Variants in PCDHA7 observed in about 807,000 individuals in gnomAD.
PCDHA7 encodes protocadherin alpha 7.
Under a neutral mutation model 57.2 loss-of-function variants are expected in PCDHA7, and 37 were observed. The observed-to-expected ratio is 0.65, with a 90% CI of 0.50 to 0.85. The LOEUF (loss-of-function observed/expected upper bound fraction) is 0.85. Ranked by LOEUF, PCDHA7 falls within the 40% of genes least tolerant of loss-of-function variation. PCDHA7 has a pLI of 0.00. For synonymous variants in PCDHA7, 553 were observed against 558.8 expected, an observed-to-expected ratio of 0.99 and a Z score of 0.15; for missense variants, 1,188 against 1,241.8, an observed-to-expected ratio of 0.96 and a Z score of 0.65.
chr5:140,876,690 G>T, intron 1 of PCDHA7: 1 of 1,614,174 alleles, frequency 6.2e-7, no homozygotes, highest in Admixed American at 1.7e-5. Flanking sequence ...ATTACTACTC[G>T]TTGGTGCTGG....
At chr5:140,965,911 G>C (rs1476309026) in intron 1 of PCDHA7, among the ~76,000 whole-genome samples, 1 of 152,206 alleles carries the variant, frequency 6.6e-6, no homozygotes, top group African/African-American at 2.4e-5. Context: ...CCAGGATGCT[G>C]GTTTTAGGCT....
At chr5:140,931,023 T>C (rs146623712) in intron 1 of PCDHA7, among the ~76,000 whole-genome samples, 1 of 152,322 alleles carries the variant, frequency 6.6e-6, no homozygotes, top group African/African-American at 2.4e-5. Context: ...AATTTTCTGA[T>C]TGTAGAGCTA....
chr5:140,978,906 T>C, intron 1 of PCDHA7, 43 bp from the exon 2 acceptor site: 1 of 1,613,530 alleles, frequency 6.2e-7, no homozygotes, highest in Non-Finnish European at 8.5e-7. Flanking sequence ...GGGAGAACAT[T>C]GTCTTGTCAT....
intron 1 of PCDHA7, among the ~76,000 whole-genome samples, chr5:140,972,711 T>A (rs2096551404): frequency 6.7e-6 from 1 of 148,680 alleles, no homozygotes; most frequent in Non-Finnish European, 1.5e-5. Context: ...GTTGCCAGGC[T>A]GGAGTGCAGT....
At chr5:141,009,257 C>T (rs1375950001) in intron 3 of PCDHA7, among the ~76,000 whole-genome samples, 1 of 152,136 alleles carries the variant, frequency 6.6e-6, no homozygotes, top group East Asian at 1.9e-4. Flanking sequence ...GTGTTTGAGA[C>T]CAGCCTGGGC....
In PCDHA7 at chr5:141,002,285, A is replaced by C. The variant is rs2098070605; in HGVS notation, c.2504-7342A>C. On this transcript the variant is annotated intron_variant, in intron 3 of 3. Coordinates refer to ENST00000525929, the MANE Select transcript of PCDHA7 (RefSeq NM_018910.3). ...CCCAGAGCTGGTAACAAAGGGATGA[A>C]TGGGGAGCAAAGGGGCGGGGCCGAA... 4.6e-5 allele frequency among the ~76,000 whole-genome samples: 7 copies of C among 152,158 alleles called. No individual in the cohort carries two copies. In the South Asian group the frequency reaches 1.4e-3, roughly 31 times the overall value.
At chr5:141,003,046 A>C (rs530303478) in intron 3 of PCDHA7, among the ~76,000 whole-genome samples, 76 of 152,356 alleles carry the variant, frequency 5.0e-4, no homozygotes, top group African/African-American at 1.8e-3. Context: ...TCCTGGCCTT[A>C]ACAGAACAGT....
chr5:140,869,123 G>A, intron 1 of PCDHA7: 1 of 1,608,454 alleles, frequency 6.2e-7, no homozygotes, highest in South Asian at 1.1e-5. Flanking sequence ...TTTCAGAGAA[G>A]GGGATTGGGC....
chr5:140,883,282 G>A (rs781911340), intron 1 of PCDHA7: 6 of 1,613,900 alleles, frequency 3.7e-6, no homozygotes, highest in Non-Finnish European at 5.1e-6. Context: ...CCCTTTTGGT[G>A]GAAGTACTAG....
intron 1 of PCDHA7, among the ~76,000 whole-genome samples, chr5:140,838,285 T>A (rs1262712034): frequency 2.0e-5 from 3 of 149,460 alleles, no homozygotes; most frequent in Admixed American, 6.6e-5. Flanking sequence ...TGCTAATTTT[T>A]TTTTTTTTTT....
intron 1 of PCDHA7, among the ~76,000 whole-genome samples, chr5:140,914,458 A>G (rs1294717004): frequency 6.6e-6 from 1 of 152,004 alleles, no homozygotes; most frequent in Non-Finnish European, 1.5e-5. Flanking sequence ...TTTCCAGTCT[A>G]TGTGTATCTT....
chr5:140,966,698 G>C, intron 1 of PCDHA7: 2 of 1,363,568 alleles, frequency 1.5e-6, no homozygotes, highest in Non-Finnish European at 1.9e-6. Flanking sequence ...CGGGGCCCGG[G>C]CGTGGGGCAC....
intron 1 of PCDHA7, chr5:140,929,684 A>C: frequency 3.4e-6 from 1 of 294,182 alleles, no homozygotes; most frequent in Non-Finnish European, 6.5e-6. Flanking sequence ...AATATGTAAG[A>C]GTCTGCTTTA....
chr5:140,896,242 C>T (rs1228427310), intron 1 of PCDHA7, among the ~76,000 whole-genome samples: 2 of 152,154 alleles, frequency 1.3e-5, no homozygotes, highest in Non-Finnish European at 2.9e-5. Flanking sequence ...GACTTATATT[C>T]CTTTGGTTAT....
intron 1 of PCDHA7, chr5:140,858,817 G>T: frequency 2.9e-6 from 1 of 345,470 alleles, no homozygotes; most frequent in African/African-American, 2.2e-5. Flanking sequence ...TGATTTGATT[G>T]TATTTGCATT....
intron 1 of PCDHA7, chr5:140,928,218 A>G: frequency 6.2e-7 from 1 of 1,614,190 alleles, no homozygotes; most frequent in East Asian, 2.2e-5. Flanking sequence ...ATGACAATAC[A>G]CCAAACTTTC....
At chr5:140,929,592 C>A in intron 1 of PCDHA7, 1 of 424,552 alleles carries the variant, frequency 2.4e-6, no homozygotes, top group Non-Finnish European at 4.2e-6. Flanking sequence ...ACATAAAGGT[C>A]TAAAATTAAA....
intron 1 of PCDHA7, among the ~76,000 whole-genome samples, chr5:140,888,469 T>C (rs892080299): frequency 2.0e-5 from 3 of 152,230 alleles, no homozygotes; most frequent in South Asian, 4.1e-4. Flanking sequence ...AAAATGTCAG[T>C]AGTTCCACTG....
In PCDHA7 at chr5:140,870,598, G is replaced by A. The variant is rs1273087028; in HGVS notation, c.2355+33860G>A. On this transcript the variant is annotated intron_variant, in intron 1 of 3. Transcript: ENST00000525929. Reference sequence around the variant, plus strand: ...CTACTCGCTGGTGGAGCGGCGGTTGGGCGACCGCGCGCTGTCGAGCTACGT... The same window carrying A: ...CTACTCGCTGGTGGAGCGGCGGTTGAGCGACCGCGCGCTGTCGAGCTACGT... The A allele has an allele frequency of 3.7e-6, 6 of 1,613,282 alleles. No individual in the cohort carries two copies. The African/African-American group carries it at 8.0e-5, about 22-fold the overall frequency.
Sources: allele counts gnomAD v4.1 joint callset (sites outside exome capture counted in the v4.1 genomes callset), GRCh38; gene constraint gnomAD v4.1.1; transcripts MANE v1.5; gene names NCBI Gene and HGNC (gene_info 2026-07-23, HGNC 2026-07-21).